The following GRK3 variants were observed in gnomAD, a reference collection of about 807,000 sequenced individuals.
GRK3 encodes G protein-coupled receptor kinase 3.
A neutral mutation model predicts 95.7 loss-of-function variants in GRK3; 54 were observed. The observed-to-expected ratio is 0.56, with a 90% CI of 0.45 to 0.71. GRK3 has a LOEUF of 0.71. Among genes scored for constraint, GRK3 ranks in the 30% least tolerant of loss-of-function variants. The pLI is 0.00. For missense variants in GRK3, 649 were observed against 851.2 expected, an observed-to-expected ratio of 0.76 and a Z score of 2.96; for synonymous variants, 281 against 290.8, an observed-to-expected ratio of 0.97 and a Z score of 0.34.
At chr22:25,709,829 C>A in intron 15 of GRK3, 69 bp from the exon 16 acceptor site, 1 of 1,157,114 alleles carries the variant, frequency 8.6e-7, no homozygotes, top group Non-Finnish European at 1.3e-6. Context: ...TAACAGGAGA[C>A]AGTTTTGCAC....
intron 2 of GRK3, among the ~76,000 whole-genome samples, chr22:25,627,148 G>A (rs749310154): frequency 6.6e-6 from 1 of 152,184 alleles, no homozygotes; most frequent in Middle Eastern, 3.2e-3. Flanking sequence ...CCATGTTGGG[G>A]AGAAAGAGTT....
At chr22:25,701,592 C>T (rs896162302) in intron 13 of GRK3, among the ~76,000 whole-genome samples, 9 of 152,162 alleles carry the variant, frequency 5.9e-5, no homozygotes, top group Admixed American at 2.6e-4. Context: ...CGCAAGCCTC[C>T]CTGTGGTCTC....
chr22:25,640,467 G>A (rs1261747343), intron 2 of GRK3, among the ~76,000 whole-genome samples: 1 of 152,170 alleles, frequency 6.6e-6, no homozygotes, highest in Admixed American at 6.5e-5. Flanking sequence ...GTGGCTCTTA[G>A]TAGATACTCA....
At position 25,674,490 on chromosome 22, in the gene GRK3, G is replaced by A. The variant is rs746558457; in HGVS notation, c.609G>A (p.Gly203=). 3.1e-6 allele frequency: 5 copies of A among 1,613,904 alleles called. No homozygotes were observed. The African/African-American group carries it at 6.7e-5, about 22-fold the overall frequency. The change falls in exon 8 of 21, where the codon GGG becomes GGA. Residue 203 remains glycine (G), a synonymous_variant. Coordinates refer to ENST00000324198, the MANE Select transcript of GRK3 (RefSeq NM_005160.4). ...GGATTATTGGACGAGGAGGATTCGG[G>A]GAAGTTTATGGTTGCAGGAAAGCAG... ...VHRIIGRGGF[G]EVYGCRKADT...
At chr22:25,710,075 GT>G (rs1004972581) in intron 16 of GRK3, 111 bp downstream of exon 16, 3 of 822,008 alleles carry the variant, frequency 3.6e-6, no homozygotes, top group Non-Finnish European at 4.2e-6. Context: ...CTTCCTGGCT[GT>G]GTCTCCCCAG....
intron 1 of GRK3, among the ~76,000 whole-genome samples, chr22:25,587,264 G>A (rs574221986): frequency 1.3e-5 from 2 of 152,190 alleles, no homozygotes; most frequent in African/African-American, 2.4e-5. Context: ...TTGGAAACAA[G>A]GAGGCTGCAA....
intron 2 of GRK3, among the ~76,000 whole-genome samples, chr22:25,628,950 A>G (rs1053801102): frequency 6.6e-6 from 1 of 152,170 alleles, no homozygotes; most frequent in African/African-American, 2.4e-5. Context: ...AACTAATAAC[A>G]GCAGGTGCCT....
At chr22:25,706,127 T>A (rs1342573541) in intron 15 of GRK3, among the ~76,000 whole-genome samples, 1 of 152,256 alleles carries the variant, frequency 6.6e-6, no homozygotes, top group Non-Finnish European at 1.5e-5. Flanking sequence ...GCTTTAATTC[T>A]TTGTTTTACT....
chr22:25,588,822 A>G (rs1326916126), intron 1 of GRK3, among the ~76,000 whole-genome samples: 2 of 149,608 alleles, frequency 1.3e-5, no homozygotes, highest in Non-Finnish European at 3.0e-5. Context: ...AGGCTGGAGT[A>G]CAGTGGTAAG....
At chr22:25,675,458 ATT>A (rs112270545) in intron 8 of GRK3, among the ~76,000 whole-genome samples, 6 of 148,070 alleles carry the variant, frequency 4.1e-5, no homozygotes, top group Non-Finnish European at 6.0e-5. Context: ...GTGGGGGAAC[ATT>A]TTTTTTTTTA....
At chr22:25,695,022 TGAAG>T (rs2085195965) in intron 12 of GRK3, 81 bp from the exon 13 acceptor site, 11 of 881,462 alleles carry the variant, frequency 1.2e-5, no homozygotes, top group Non-Finnish European at 1.8e-5. Flanking sequence ...TGCCATCTAA[TGAAG>T]GACACCCGGA....
chr22:25,582,863 G>A (rs1426898140), intron 1 of GRK3, among the ~76,000 whole-genome samples: 1 of 152,182 alleles, frequency 6.6e-6, no homozygotes, highest in African/African-American at 2.4e-5. Flanking sequence ...TTATTGTGGA[G>A]TACAGATACT....
At chr22:25,625,187 T>C (rs754472444) in intron 2 of GRK3, among the ~76,000 whole-genome samples, 3 of 152,210 alleles carry the variant, frequency 2.0e-5, no homozygotes, top group Non-Finnish European at 2.9e-5. Flanking sequence ...TGTTCCACTA[T>C]AATAAAATAT....
intron 1 of GRK3, among the ~76,000 whole-genome samples, chr22:25,598,670 G>A (rs1160152405): frequency 6.6e-6 from 1 of 151,774 alleles, no homozygotes; most frequent in Admixed American, 6.6e-5. Flanking sequence ...GAGACCCTGT[G>A]CGAAAAACAA....
At chr22:25,667,220 T>TA (rs199612099) in intron 5 of GRK3, among the ~76,000 whole-genome samples, 5 of 152,152 alleles carry the variant, frequency 3.3e-5, no homozygotes, top group Admixed American at 6.5e-5. Context: ...AATAGCTAAT[T>TA]AAAAAAAATT....
Position 25,726,407 on chromosome 22 carries a change from T to C in GRK3, c.*3957T>C, listed in dbSNP as rs1447435513. On this transcript the variant is annotated 3_prime_UTR_variant, in exon 21 of 21. Transcript: ENST00000324198. Reference sequence around the variant, plus strand: ...CTGGTGTAAGATAAGAGTTATCTTGTATGATTTAATCATATGCAGTGTTGT... The same window carrying C: ...CTGGTGTAAGATAAGAGTTATCTTGCATGATTTAATCATATGCAGTGTTGT... 6.6e-6 allele frequency: 1 copy of C among 152,256 alleles called. No individual in the cohort carries two copies. Among genetic ancestry groups the C allele is most frequent in the Non-Finnish European group, 1.5e-5 (1 of 68,050 alleles). The allele number at this position is 152,256 out of a possible 1,614,324, so 9.4% of individuals were successfully genotyped here. A position where few individuals can be genotyped will look rare whatever the true frequency, so the allele number is the denominator to read the frequency against.
intron 14 of GRK3, 117 bp from the exon 15 acceptor site, chr22:25,703,992 A>G: frequency 2.9e-6 from 2 of 697,346 alleles, no homozygotes; most frequent in Non-Finnish European, 4.8e-6. Context: ...ATTAATTCAT[A>G]ATGAGGCTGC....
chr22:25,619,857 G>C lies in GRK3; in HGVS notation c.190+15404G>C, dbSNP rs576502037. Among the ~76,000 whole-genome samples the C allele has an allele frequency of 3.3e-5, 5 of 151,844 alleles. No individual in the cohort carries two copies. The East Asian group carries it at 9.7e-4, about 29-fold the overall frequency. On this transcript the variant is annotated intron_variant, in intron 2 of 20. Transcript: ENST00000324198. ...GTGCTGGAACATCTATGAAGTGGTT[G>C]GTTTCTTCCTGAGGTAGCTACTTGT...
chr22:25,693,394 A>G (rs940653655), intron 12 of GRK3, among the ~76,000 whole-genome samples: 2 of 152,194 alleles, frequency 1.3e-5, no homozygotes, highest in African/African-American at 4.8e-5. Context: ...TCTATTGTAG[A>G]TATCTTTCCA....
Sources: allele counts gnomAD v4.1 joint callset (sites outside exome capture counted in the v4.1 genomes callset), GRCh38; gene constraint gnomAD v4.1.1; transcripts MANE v1.5; gene names NCBI Gene and HGNC (gene_info 2026-07-23, HGNC 2026-07-21).